Variants in ADCY3 observed in about 807,000 individuals in gnomAD.
ADCY3 encodes the protein adenylate cyclase 3.
In ADCY3, 70 loss-of-function variants were observed where a neutral mutation model predicts 119.4. That is an observed-to-expected ratio of 0.59 (90% CI 0.48 to 0.72). The LOEUF is 0.72. Among genes scored for constraint, ADCY3 ranks in the 30% least tolerant of loss-of-function variants. The pLI is 0.00. For synonymous variants in ADCY3, 672 were observed against 621.4 expected (o/e 1.08, Z -1.21); for missense variants, 1,238 against 1,541.6 (o/e 0.80, Z 3.30).
At chr2:24,833,630 G>C (rs13416733) in intron 11 of ADCY3, among the ~76,000 whole-genome samples, 22,176 of 152,184 alleles carry the variant, frequency 0.15, 1,674 homozygotes, top group East Asian at 0.22. Flanking sequence ...CAAGTTTCAC[G>C]AGAGCAGGGG....
At chr2:24,896,708 C>T (rs935311633) in intron 2 of ADCY3, among the ~76,000 whole-genome samples, 9 of 152,100 alleles carry the variant, frequency 5.9e-5, no homozygotes, top group Admixed American at 1.3e-4. Flanking sequence ...TGATATTCAC[C>T]GAGATTCCAG....
chr2:24,838,764 C>G, intron 7 of ADCY3, 142 bp from the exon 8 acceptor site: 8 of 1,585,340 alleles, frequency 5.0e-6, no homozygotes, highest in Non-Finnish European at 6.9e-6. Flanking sequence ...CAAGTGGAGG[C>G]AGTTCTGCCA....
chr2:24,872,666 GGACA>G lies in ADCY3; in HGVS notation c.725_728del (p.Met242ThrfsTer22). 1 of 1,614,216 alleles carries G rather than the reference GGACA, an allele frequency of 6.2e-7. No homozygotes were observed. Among genetic ancestry groups the G allele is most frequent in the Non-Finnish European group, 8.5e-7 (1 of 1,180,034 alleles). On this transcript the variant is annotated frameshift_variant, in exon 3 of 22. Transcript: ENST00000679454. LOFTEE classifies it high-confidence loss of function. This position sits in a 1 kb window ranked among gnomAD's most constrained non-coding sequence, Gnocchi z 4.4. Reference sequence around the variant, plus strand: ...GGTGCTTGCGGTCAGCCATGTAGTAGGACATGATGCCCACAGCGATGGCGCACAG... The same window carrying G: ...GGTGCTTGCGGTCAGCCATGTAGTAGTGATGCCCACAGCGATGGCGCACAG...
intron 2 of ADCY3, among the ~76,000 whole-genome samples, chr2:24,901,651 AAAG>A (rs2148993778): frequency 6.6e-6 from 1 of 152,234 alleles, no homozygotes; most frequent in Non-Finnish European, 1.5e-5. Context: ...CCCAGCTGCA[AAAG>A]AAGGCCATAG....
chr2:24,866,564 C>CAAAAAAAAAAAAAAAAAA (rs71397449), intron 3 of ADCY3, among the ~76,000 whole-genome samples: 5 of 46,530 alleles, frequency 1.1e-4, no homozygotes, highest in African/African-American at 4.7e-4. Flanking sequence ...GACCCTGTCT[C>CAAAAAAAAAAAAAAAAAA]AAAAAAAAAA....
chr2:24,820,060 G>A lies in ADCY3; in HGVS notation c.3307C>T (p.Arg1103Ter), dbSNP rs746113754. 9 of 1,592,670 alleles carry A rather than the reference G, an allele frequency of 5.7e-6. No individual in the cohort carries two copies. The highest frequency in any genetic ancestry group is 7.7e-6 in the Non-Finnish European group (9 of 1,169,988). Residue 1103 changes from arginine to a stop codon, truncating the protein, a stop_gained, in exon 22 of 22, where the codon CGA (arginine) becomes TGA (stop). Transcript: ENST00000679454. LOFTEE classifies it high-confidence loss of function. ...LREYGFRFVR[R>*]GPIFVKGKGE... Reference sequence around the variant, plus strand: ...TTCCCCTTCACAAAGATGGGGCCTCGCCTCACAAAGCGGAAGCCGTACTCT... The same window carrying A: ...TTCCCCTTCACAAAGATGGGGCCTCACCTCACAAAGCGGAAGCCGTACTCT...
Position 24,841,371 on chromosome 2 carries a change from G to A in ADCY3, c.1084C>T (p.Arg362Trp). ...TAGCAGTCGCCCAGGATCTTAATCC[G>A]CAGCTGGTGGTATTTCTGAAAGGGG... The part of the protein sequence containing the change: ...DKLAAKYHQL[R>W]IKILGDCYYC... Residue 362 changes from arginine (R) to tryptophan (W), a missense_variant, in exon 6 of 22, where the codon CGG (arginine) becomes TGG (tryptophan). Coordinates refer to ENST00000679454, the MANE Select transcript of ADCY3 (RefSeq NM_004036.5). This position sits in a 1 kb window ranked among gnomAD's most constrained non-coding sequence, Gnocchi z 5.8. 3 of 1,609,590 alleles carry A rather than the reference G, an allele frequency of 1.9e-6. No homozygotes were observed. The highest frequency in any genetic ancestry group is 2.5e-6 in the Non-Finnish European group (3 of 1,178,308).
At chr2:24,860,810 G>A (rs1377121805) in intron 3 of ADCY3, among the ~76,000 whole-genome samples, 1 of 152,188 alleles carries the variant, frequency 6.6e-6, no homozygotes, top group Non-Finnish European at 1.5e-5. Context: ...GGGATGGCAA[G>A]AGAGAGAGCG....
intron 3 of ADCY3, among the ~76,000 whole-genome samples, chr2:24,843,561 A>G (rs1671305246): frequency 6.6e-6 from 1 of 152,208 alleles, no homozygotes; most frequent in South Asian, 2.1e-4. Context: ...CCAATGGCAG[A>G]GTGGGGTAGA....
In ADCY3 at chr2:24,898,459, G is replaced by A. The variant is rs994771759; in HGVS notation, c.675+19854C>T. ...AGGGGCTTCGTGTACTTCACACAGTGCTTCATGAAGGGGTGAGTCAGGCGC... is the reference window on the plus strand; with the variant it reads ...AGGGGCTTCGTGTACTTCACACAGTACTTCATGAAGGGGTGAGTCAGGCGC... On this transcript the variant is annotated intron_variant, in intron 2 of 21. Transcript: ENST00000679454. This position sits in a 1 kb window ranked among gnomAD's most constrained non-coding sequence, Gnocchi z 4.3. 6.6e-6 allele frequency among the ~76,000 whole-genome samples: 1 copy of A among 152,160 alleles called. No individual in the cohort carries two copies. Among genetic ancestry groups the A allele is most frequent in the African/African-American group, 2.4e-5 (1 of 41,430 alleles).
intron 15 of ADCY3, 54 bp from the exon 16 acceptor site, chr2:24,826,180 G>A: frequency 1.3e-6 from 2 of 1,497,154 alleles, no homozygotes; most frequent in Non-Finnish European, 1.9e-6. Context: ...TCCTGGAGGG[G>A]GCCTGATTCC....
intron 3 of ADCY3, among the ~76,000 whole-genome samples, chr2:24,846,425 T>C (rs974988590): frequency 2.6e-5 from 4 of 152,202 alleles, no homozygotes; most frequent in African/African-American, 9.7e-5. Context: ...ATTTTGGAGC[T>C]TTAAAATTTA....
intron 19 of ADCY3, chr2:24,822,309 G>C (rs1040487326): frequency 7.5e-6 from 5 of 662,996 alleles, no homozygotes; most frequent in African/African-American, 7.3e-5. Context: ...TGAACAGCAG[G>C]GGGTTGTGTG....
At position 24,856,180 on chromosome 2, in the gene ADCY3, A is replaced by AGTGTGT. The variant is rs111720839; in HGVS notation, c.826-13802_826-13797dup. ...GCTGGGAATGAGTGTGAATGTGGAG[A>AGTGTGT]GTGTGTGTGTGTGTGTCCATGCGTT... On this transcript the variant is annotated intron_variant, in intron 3 of 21. Coordinates refer to ENST00000679454, the MANE Select transcript of ADCY3 (RefSeq NM_004036.5). 3.6e-3 allele frequency among the ~76,000 whole-genome samples: 552 copies of AGTGTGT among 151,638 alleles called. 1 individual carries two copies. Among genetic ancestry groups the AGTGTGT allele is most frequent in the Middle Eastern group, 0.021 (6 of 292 alleles).
chr2:24,827,945 G>T lies in ADCY3; in HGVS notation c.2389C>A (p.Pro797Thr), dbSNP rs775904787. The T allele has an allele frequency of 1.9e-6, 3 of 1,614,226 alleles. No individual in the cohort carries two copies. The highest frequency in any genetic ancestry group is 1.7e-6 in the Non-Finnish European group (2 of 1,180,046). Reference sequence around the variant, plus strand: ...TTGTGGTCGTATTCATCAAAGACGGGACGCCAGGCATAGAGGTTGATGGTG... The same window carrying T: ...TTGTGGTCGTATTCATCAAAGACGGTACGCCAGGCATAGAGGTTGATGGTG... ...VATINLYAWRPVFDEYDHKRF... is the reference protein window; with the variant it reads ...VATINLYAWRTVFDEYDHKRF... Residue 797 changes from proline (P) to threonine (T), a missense_variant, in exon 14 of 22, where the codon CCC (proline) becomes ACC (threonine). Pro to Thr is a conservative substitution (Grantham distance 38). This residue lies in a region of ADCY3 where 499 missense variants were observed against 571.0 expected (regional missense o/e 0.87). Coordinates refer to ENST00000679454, the MANE Select transcript of ADCY3 (RefSeq NM_004036.5).
intron 2 of ADCY3, among the ~76,000 whole-genome samples, chr2:24,887,972 G>T (rs913865408): frequency 6.6e-6 from 1 of 152,130 alleles, no homozygotes; most frequent in Non-Finnish European, 1.5e-5. Flanking sequence ...CCAGCTTTCT[G>T]AGTCTGCTTG....
intron 3 of ADCY3, among the ~76,000 whole-genome samples, chr2:24,863,822 C>A (rs1012324904): frequency 6.6e-6 from 1 of 152,192 alleles, no homozygotes; most frequent in Non-Finnish European, 1.5e-5. Flanking sequence ...AGGAAACAGC[C>A]CACAGGATGT....
At chr2:24,895,435 T>C (rs1678143372) in intron 2 of ADCY3, among the ~76,000 whole-genome samples, 1 of 152,150 alleles carries the variant, frequency 6.6e-6, no homozygotes, top group South Asian at 2.1e-4. Flanking sequence ...CTGTTGAGCT[T>C]CTTGAGTCAT....
chr2:24,882,286 T>C (rs1465437384), intron 2 of ADCY3, among the ~76,000 whole-genome samples: 1 of 152,120 alleles, frequency 6.6e-6, no homozygotes, highest in African/African-American at 2.4e-5. Context: ...ACAGCTCAAA[T>C]GTAGCATCTT....
Sources: gnomAD v4.1 joint callset for allele counts (sites outside exome capture counted in the v4.1 genomes callset) on GRCh38, gnomAD v4.1.1 for gene constraint, gnomAD v4.1.1 regional missense constraint, Gnocchi (gnomAD v3.1) non-coding constraint, MANE v1.5 for transcripts, NCBI Gene and HGNC (gene_info 2026-07-23, HGNC 2026-07-21) for gene names.